Variants in ACTN1 observed in about 807,000 individuals in gnomAD.
ACTN1 encodes the protein alpha-actinin-1.
ACTN1 carries 30 observed loss-of-function variants against 119.6 expected under a neutral mutation model. That is an observed-to-expected ratio of 0.25 (90% CI 0.19 to 0.34). The LOEUF is 0.34. Among genes scored for constraint, ACTN1 ranks in the 10% least tolerant of loss-of-function variants. The pLI is 1.00. For missense variants in ACTN1, 764 were observed against 1,223.4 expected, an observed-to-expected ratio of 0.62 and a Z score of 5.60; for synonymous variants, 429 against 472.6, an observed-to-expected ratio of 0.91 and a Z score of 1.20.
intron 2 of ACTN1, among the ~76,000 whole-genome samples, chr14:68,922,248 G>C (rs909455860): frequency 2.0e-5 from 3 of 152,170 alleles, no homozygotes; most frequent in Non-Finnish European, 2.9e-5. Flanking sequence ...GGGATTCTGG[G>C]CCAGGCCCAC....
At chr14:68,875,911 CT>C (rs1444154980) in intron 21 of ACTN1, among the ~76,000 whole-genome samples, 1 of 152,254 alleles carries the variant, frequency 6.6e-6, no homozygotes, top group Non-Finnish European at 1.5e-5. Flanking sequence ...TTAGGGACTT[CT>C]TTGTAGGTTC....
In ACTN1 at chr14:68,955,467, G is replaced by C. The variant is rs568327083; in HGVS notation, c.105+23485C>G. ...GAACCCAGACAACAGTCCACAGTCAGAATTTGGCTCAACTGAGACTAGAGG... is the reference window on the plus strand; with the variant it reads ...GAACCCAGACAACAGTCCACAGTCACAATTTGGCTCAACTGAGACTAGAGG... On this transcript the variant is annotated intron_variant, in intron 1 of 21. Coordinates refer to ENST00000394419, the MANE Select transcript of ACTN1 (RefSeq NM_001130004.2). Among the ~76,000 whole-genome samples the C allele has an allele frequency of 6.8e-4, 103 of 152,342 alleles. 1 individual carries two copies. Among genetic ancestry groups the C allele is most frequent in the African/African-American group, 2.4e-3 (98 of 41,588 alleles).
intron 8 of ACTN1, among the ~76,000 whole-genome samples, chr14:68,899,411 T>C: frequency 1.6e-5 from 2 of 124,122 alleles, no homozygotes; most frequent in African/African-American, 3.3e-5. Context: ...CACTACACCC[T>C]TCCACACCAC....
At chr14:68,968,262 T>A (rs932415839) in intron 1 of ACTN1, among the ~76,000 whole-genome samples, 4 of 152,148 alleles carry the variant, frequency 2.6e-5, no homozygotes, top group African/African-American at 9.7e-5. Context: ...AGGTGTAACA[T>A]ACGAACGCCA....
At chr14:68,932,985 T>TCC (rs1750356619) in intron 1 of ACTN1, among the ~76,000 whole-genome samples, 1 of 152,184 alleles carries the variant, frequency 6.6e-6, no homozygotes, top group Admixed American at 6.5e-5. Flanking sequence ...CCAGATCCTC[T>TCC]CCTGAGTGCT....
intron 8 of ACTN1, among the ~76,000 whole-genome samples, chr14:68,897,759 A>G (rs1016192674): frequency 6.6e-6 from 1 of 152,092 alleles, no homozygotes; most frequent in African/African-American, 2.4e-5. Context: ...CTACTAAGAG[A>G]GCCCCAGATC....
At chr14:68,948,537 C>T (rs965707302) in intron 1 of ACTN1, among the ~76,000 whole-genome samples, 3 of 152,106 alleles carry the variant, frequency 2.0e-5, no homozygotes, top group Admixed American at 6.5e-5. Context: ...GAGATTGCAC[C>T]GCTGCACTCC....
At chr14:68,920,899 A>G (rs1594816322) in intron 3 of ACTN1, 107 bp downstream of exon 3, 4 of 1,449,994 alleles carry the variant, frequency 2.8e-6, no homozygotes, top group East Asian at 4.6e-5. Context: ...CCACTGCCCA[A>G]TGCCCCCAAG....
intron 8 of ACTN1, among the ~76,000 whole-genome samples, chr14:68,901,996 T>C (rs762486750): frequency 2.0e-5 from 3 of 152,228 alleles, no homozygotes; most frequent in Non-Finnish European, 4.4e-5. Context: ...TGCTAAGTCA[T>C]GCCCATGAGC....
chr14:68,881,015 G>C (rs776992505), intron 16 of ACTN1, 26 bp from the exon 17 acceptor site: 1 of 1,612,086 alleles, frequency 6.2e-7, no homozygotes, highest in Non-Finnish European at 8.5e-7. Context: ...GAAGCACCTT[G>C]TCAGACCACC....
At chr14:68,956,928 C>A (rs536742517) in intron 1 of ACTN1, among the ~76,000 whole-genome samples, 1 of 152,096 alleles carries the variant, frequency 6.6e-6, no homozygotes, top group African/African-American at 2.4e-5. Flanking sequence ...TCAATCCCAG[C>A]CCATCCACAT....
In ACTN1 at chr14:68,950,477, T is replaced by TATATATATATATATATATATATAC. The variant is rs1349794768; in HGVS notation, c.106-24806_106-24805insGTATATATATATATATATATATAT. On this transcript the variant is annotated intron_variant, in intron 1 of 21. Coordinates refer to ENST00000394419, the MANE Select transcript of ACTN1 (RefSeq NM_001130004.2). ...ATGCGTGTGTGTATATATATATATA[T>TATATATATATATATATATATATAC]AAATCAAACATATAAAATCTGTGGT... Among the ~76,000 whole-genome samples, 88 of 144,872 alleles carry TATATATATATATATATATATATAC rather than the reference T, an allele frequency of 6.1e-4. 2 individuals are homozygous for TATATATATATATATATATATATAC. Among genetic ancestry groups the TATATATATATATATATATATATAC allele is most frequent in the Middle Eastern group, 3.5e-3 (1 of 288 alleles).
intron 1 of ACTN1, among the ~76,000 whole-genome samples, chr14:68,930,769 G>A (rs1445550023): frequency 1.3e-5 from 2 of 152,190 alleles, no homozygotes; most frequent in Non-Finnish European, 2.9e-5. Context: ...AGGATTATTG[G>A]AGGAGTCAAT....
chr14:68,951,592 A>G (rs1331124886), intron 1 of ACTN1, among the ~76,000 whole-genome samples: 1 of 152,164 alleles, frequency 6.6e-6, no homozygotes, highest in Non-Finnish European at 1.5e-5. Flanking sequence ...CCCCAACTCT[A>G]ACGTGAAGGT....
chr14:68,909,415 G>C lies in ACTN1; in HGVS notation c.516-19C>G. ...CTTCCAGCTGCCCGGGGAGAGAGAA[G>C]AAGGAGCAGGCTGGTAAATGAGGCT... On this transcript the variant is annotated intron_variant, in intron 5 of 21. Transcript: ENST00000394419. This position sits in a 1 kb window ranked among gnomAD's most constrained non-coding sequence, Gnocchi z 4.1. 2 of 1,613,580 alleles carry C rather than the reference G, an allele frequency of 1.2e-6. No homozygotes were observed. The highest frequency in any genetic ancestry group is 1.7e-6 in the Non-Finnish European group (2 of 1,179,704).
intron 1 of ACTN1, among the ~76,000 whole-genome samples, chr14:68,930,337 T>C (rs2035166067): frequency 6.6e-6 from 1 of 152,218 alleles, no homozygotes; most frequent in South Asian, 2.1e-4. Context: ...AGTATCAATG[T>C]GTCTGAAATA....
At chr14:68,896,063 T>C (rs1317783251) in intron 8 of ACTN1, among the ~76,000 whole-genome samples, 2 of 152,036 alleles carry the variant, frequency 1.3e-5, no homozygotes, top group East Asian at 3.9e-4. Flanking sequence ...CCTTCAGAAA[T>C]AACACACAAG....
chr14:68,941,409 T>C (rs2035758486), intron 1 of ACTN1, among the ~76,000 whole-genome samples: 1 of 152,200 alleles, frequency 6.6e-6, no homozygotes, highest in South Asian at 2.1e-4. Flanking sequence ...GTGATGCTGA[T>C]GCTGCCGGTC....
At position 68,880,311 on chromosome 14, in the gene ACTN1, T is replaced by C. The variant is rs1594752173; in HGVS notation, c.2134-203A>G. 6.6e-6 allele frequency among the ~76,000 whole-genome samples: 1 copy of C among 152,036 alleles called. No homozygotes were observed. ...GACCCTAGATGACCAAGGGGCAGGG[T>C]GGCAGCCTCTGCCTGGGAGAGCAAA... On this transcript the variant is annotated intron_variant, in intron 17 of 21. Transcript: ENST00000394419. The surrounding 1 kb of genome is among the most constrained non-coding windows in gnomAD (Gnocchi z 4.6).
Sources: allele counts gnomAD v4.1 joint callset (sites outside exome capture counted in the v4.1 genomes callset), GRCh38; gene constraint gnomAD v4.1.1; non-coding constraint Gnocchi (gnomAD v3.1); transcripts MANE v1.5; gene names NCBI Gene and HGNC (gene_info 2026-07-23, HGNC 2026-07-21).